Variants in MAP2K6 observed in about 807,000 individuals in gnomAD.
MAP2K6 encodes dual specificity mitogen-activated protein kinase kinase 6.
Under a neutral mutation model 53.7 loss-of-function variants are expected in MAP2K6, and 16 were observed. The observed-to-expected ratio is 0.30, with a 90% CI of 0.20 to 0.45. The LOEUF is 0.45. MAP2K6 is among the 20% of genes least tolerant of loss of function. The pLI is 1.00. For synonymous variants in MAP2K6, 132 were observed against 143.1 expected, an observed-to-expected ratio of 0.92 and a Z score of 0.55; for missense variants, 204 against 411.9, an observed-to-expected ratio of 0.50 and a Z score of 4.37.
chr17:69,478,713 C>T (rs944078709), intron 1 of MAP2K6, among the ~76,000 whole-genome samples: 7 of 152,208 alleles, frequency 4.6e-5, no homozygotes, highest in African/African-American at 1.4e-4. Flanking sequence ...GCATGAGCCA[C>T]GGTGCCTGGC....
At chr17:69,534,540 G>C (rs920446331) in intron 10 of MAP2K6, among the ~76,000 whole-genome samples, 1 of 148,962 alleles carries the variant, frequency 6.7e-6, no homozygotes, top group Non-Finnish European at 1.5e-5. Flanking sequence ...AAGTTGTTTT[G>C]GTTCAAAAAC....
At chr17:69,422,914 G>A (rs896296068) in intron 1 of MAP2K6, among the ~76,000 whole-genome samples, 6 of 152,070 alleles carry the variant, frequency 3.9e-5, no homozygotes, top group Non-Finnish European at 7.4e-5. Flanking sequence ...ATGGAGTTGC[G>A]CTCTTGTTGC....
chr17:69,471,924 A>C (rs117775940), intron 1 of MAP2K6, among the ~76,000 whole-genome samples: 2,373 of 152,274 alleles, frequency 0.016, 20 homozygotes, highest in Non-Finnish European at 0.022. Context: ...AAAAATTACT[A>C]TCTGTTTCTA....
intron 4 of MAP2K6, among the ~76,000 whole-genome samples, 171 bp downstream of exon 4, chr17:69,517,784 T>C (rs1910244682): frequency 6.6e-6 from 1 of 152,238 alleles, no homozygotes; most frequent in Non-Finnish European, 1.5e-5. Context: ...AAGTCTTCCT[T>C]GGTGTGAGTT....
chr17:69,521,178 G>A (rs2145260155), intron 7 of MAP2K6, 78 bp downstream of exon 7: 1 of 1,303,420 alleles, frequency 7.7e-7, no homozygotes, highest in Non-Finnish European at 1.1e-6. Context: ...TCTACCCCCA[G>A]TCCCCCATGG....
chr17:69,515,336 T>C (rs1488436835), intron 2 of MAP2K6, among the ~76,000 whole-genome samples: 2 of 151,988 alleles, frequency 1.3e-5, no homozygotes, highest in Admixed American at 6.6e-5. Flanking sequence ...TTTGTGTTTT[T>C]AGTAGAGATG....
intron 2 of MAP2K6, among the ~76,000 whole-genome samples, chr17:69,509,619 AT>A (rs2145231966): frequency 6.6e-6 from 1 of 151,838 alleles, no homozygotes; most frequent in African/African-American, 2.4e-5. Context: ...TTTTACTTTC[AT>A]TTTCTTGCCT....
chr17:69,428,858 G>GTTTTTTTTTTTTT (rs944503966), intron 1 of MAP2K6, among the ~76,000 whole-genome samples: 1 of 77,618 alleles, frequency 1.3e-5, no homozygotes. Flanking sequence ...TTCTGTTTTT[G>GTTTTTTTTTTTTT]TTTTTGTTTT....
chr17:69,533,037 T>C (rs879725176), intron 10 of MAP2K6, among the ~76,000 whole-genome samples: 1 of 152,216 alleles, frequency 6.6e-6, no homozygotes, highest in Non-Finnish European at 1.5e-5. Context: ...CAAGTGATTC[T>C]TGTGCCTCAG....
chr17:69,443,752 T>A (rs1019630470), intron 1 of MAP2K6, among the ~76,000 whole-genome samples: 1 of 152,118 alleles, frequency 6.6e-6, no homozygotes, highest in African/African-American at 2.4e-5. Flanking sequence ...GAGATTCCGA[T>A]AATGCAGAGA....
chr17:69,478,045 T>A (rs1908214134), intron 1 of MAP2K6, among the ~76,000 whole-genome samples: 1 of 152,142 alleles, frequency 6.6e-6, no homozygotes, highest in African/African-American at 2.4e-5. Context: ...CAAAGTAGAG[T>A]CCAGACCAAG....
At position 69,463,637 on chromosome 17, in the gene MAP2K6, T is replaced by A. The variant is rs141278670; in HGVS notation, c.17-42143T>A. Reference sequence around the variant, plus strand: ...CTCTCTATATATATACACACACACATATATGTATATACATACATACACATA... The same window carrying A: ...CTCTCTATATATATACACACACACAAATATGTATATACATACATACACATA... On this transcript the variant is annotated intron_variant, in intron 1 of 11. Coordinates refer to ENST00000590474, the MANE Select transcript of MAP2K6 (RefSeq NM_002758.4). 2.3e-3 allele frequency among the ~76,000 whole-genome samples: 349 copies of A among 151,160 alleles called. 3 individuals carry two copies. Among genetic ancestry groups the A allele is most frequent in the Non-Finnish European group, 2.3e-3 (159 of 67,870 alleles).
At chr17:69,502,645 C>A in intron 1 of MAP2K6, 4 of 985,100 alleles carry the variant, frequency 4.1e-6, no homozygotes, top group Non-Finnish European at 4.8e-6. Flanking sequence ...AGTCTGGAGA[C>A]AGGAGGCTGG....
At chr17:69,513,964 G>T (rs1910006283) in intron 2 of MAP2K6, among the ~76,000 whole-genome samples, 2 of 152,018 alleles carry the variant, frequency 1.3e-5, no homozygotes, top group Admixed American at 1.3e-4. Context: ...CAACTACAAC[G>T]ATTAGCCAGG....
At chr17:69,467,711 C>G (rs1907859334) in intron 1 of MAP2K6, among the ~76,000 whole-genome samples, 1 of 151,998 alleles carries the variant, frequency 6.6e-6, no homozygotes, top group African/African-American at 2.4e-5. Context: ...AGTTTTTATT[C>G]AGTCTTTTCC....
At chr17:69,467,268 G>A (rs1054561665) in intron 1 of MAP2K6, among the ~76,000 whole-genome samples, 1 of 152,218 alleles carries the variant, frequency 6.6e-6, no homozygotes, top group Non-Finnish European at 1.5e-5. Flanking sequence ...ACTGAAACAT[G>A]TTAGAATTTG....
At chr17:69,470,423 T>C (rs1907948633) in intron 1 of MAP2K6, among the ~76,000 whole-genome samples, 1 of 152,088 alleles carries the variant, frequency 6.6e-6, no homozygotes. Flanking sequence ...GGAGGATAGA[T>C]GCTTCATCCG....
chr17:69,439,523 T>G (rs929564105), intron 1 of MAP2K6, among the ~76,000 whole-genome samples: 1 of 152,190 alleles, frequency 6.6e-6, no homozygotes, highest in Non-Finnish European at 1.5e-5. Flanking sequence ...ATTTCTGGGG[T>G]GAGGGAGTTG....
At chr17:69,509,430 T>C (rs1909696158) in intron 2 of MAP2K6, among the ~76,000 whole-genome samples, 1 of 152,202 alleles carries the variant, frequency 6.6e-6, no homozygotes, top group South Asian at 2.1e-4. Flanking sequence ...ATAGATTTTT[T>C]CTGTATTGAT....
Sources: allele counts gnomAD v4.1 joint callset (sites outside exome capture counted in the v4.1 genomes callset), GRCh38; gene constraint gnomAD v4.1.1; transcripts MANE v1.5; gene names NCBI Gene and HGNC (gene_info 2026-07-23, HGNC 2026-07-21).